CDH10: variants seen among roughly 807,000 people sequenced by gnomAD.
CDH10 encodes the protein cadherin-10.
Under a neutral mutation model 73.1 loss-of-function variants are expected in CDH10, and 30 were observed. The observed-to-expected ratio is 0.41, with a 90% confidence interval of 0.31 to 0.56. CDH10 has a LOEUF of 0.56. CDH10 is among the 20% of genes least tolerant of loss of function. CDH10 has a pLI of 0.27. For missense variants in CDH10, 815 were observed against 973.7 expected (o/e 0.84, Z 2.17); for synonymous variants, 345 against 348.2 (o/e 0.99, Z 0.10).
chr5:24,601,926 C>A (rs1746579170), intron 1 of CDH10, among the ~76,000 whole-genome samples: 1 of 152,162 alleles, frequency 6.6e-6, no homozygotes, highest in African/African-American at 2.4e-5. Context: ...ACTACTCTTG[C>A]AATTCCAACT....
intron 5 of CDH10, among the ~76,000 whole-genome samples, chr5:24,516,623 T>C (rs1246353086): frequency 6.6e-6 from 1 of 151,958 alleles, no homozygotes; most frequent in African/African-American, 2.4e-5. Flanking sequence ...ATATTATTTA[T>C]TAGAATCTAA....
Position 24,511,358 on chromosome 5 carries a change from T to C in CDH10, c.971A>G (p.Asp324Gly). The C allele has an allele frequency of 6.2e-7, 1 of 1,612,336 alleles. No individual in the cohort carries two copies. Among genetic ancestry groups the C allele is most frequent in the Non-Finnish European group, 8.5e-7 (1 of 1,178,462 alleles). Residue 324 changes from aspartate (D) to glycine (G), a missense_variant, in exon 6 of 12, where the codon GAC becomes GGC. Physicochemically the swap from Asp to Gly is moderately conservative, Grantham distance 94. Transcript: ENST00000264463. ...CACAGTGATGATGCCTTCCTGTGTGTCCTTCTCAGTCACGATGTCAAACAT... is the reference window on the plus strand; with the variant it reads ...CACAGTGATGATGCCTTCCTGTGTGCCCTTCTCAGTCACGATGTCAAACAT... ...TDMFDIVTEK[D>G]TQEGIITVKK... is the part of the protein sequence containing the mutation.
chr5:24,586,999 C>G (rs962984353), intron 2 of CDH10, among the ~76,000 whole-genome samples: 2 of 151,576 alleles, frequency 1.3e-5, no homozygotes, highest in African/African-American at 4.9e-5. Context: ...CGCCCGCCAC[C>G]GTGCCCGGCT....
At chr5:24,541,862 T>C (rs921373121) in intron 2 of CDH10, among the ~76,000 whole-genome samples, 1 of 152,070 alleles carries the variant, frequency 6.6e-6, no homozygotes, top group Non-Finnish European at 1.5e-5. Flanking sequence ...GCAAGATACA[T>C]GACAACTAAT....
intron 1 of CDH10, among the ~76,000 whole-genome samples, chr5:24,605,127 T>A (rs1210587548): frequency 6.6e-6 from 1 of 152,092 alleles, no homozygotes. Flanking sequence ...TTCATCCGTA[T>A]GGAACAAAAA....
chr5:24,538,881 TAAG>T (rs1224942091), intron 2 of CDH10, among the ~76,000 whole-genome samples: 1 of 152,066 alleles, frequency 6.6e-6, no homozygotes, highest in African/African-American at 2.4e-5. Context: ...TTGAGAAACA[TAAG>T]AAGTGTAAGG....
intron 5 of CDH10, among the ~76,000 whole-genome samples, chr5:24,526,597 T>C (rs769024377): frequency 3.0e-4 from 45 of 151,856 alleles, no homozygotes; most frequent in Non-Finnish European, 5.9e-4. Flanking sequence ...TATCTTTTCA[T>C]TGATATTTTA....
Position 24,491,571 on chromosome 5 carries a change from C to A in CDH10, c.1876+5G>T, listed in dbSNP as rs2111635582. On this transcript the variant is annotated splice_donor_5th_base_variant and intron_variant, in intron 11 of 11. Transcript: ENST00000264463. ...AATGCTCCCATTGTTTTTAAGGTTT[C>A]TTACCCAGTAGAATGATGATGCAGA... The A allele has an allele frequency of 6.2e-7, 1 of 1,607,542 alleles. No individual in the cohort carries two copies. The highest frequency in any genetic ancestry group is 8.5e-7 in the Non-Finnish European group (1 of 1,175,880).
chr5:24,595,361 A>G (rs1054617072), intron 1 of CDH10, among the ~76,000 whole-genome samples: 9 of 151,904 alleles, frequency 5.9e-5, no homozygotes. Flanking sequence ...AAATGTTTCA[A>G]AGAAATAAGA....
chr5:24,607,485 TC>T (rs2112134588), intron 1 of CDH10, among the ~76,000 whole-genome samples: 1 of 152,338 alleles, frequency 6.6e-6, no homozygotes, highest in East Asian at 1.9e-4. Context: ...CCTACTTTAT[TC>T]ACACAGAAAG....
intron 1 of CDH10, among the ~76,000 whole-genome samples, chr5:24,635,896 T>A (rs998836170): frequency 6.6e-6 from 1 of 151,944 alleles, no homozygotes; most frequent in African/African-American, 2.4e-5. Context: ...GAAGAATTTA[T>A]TACATTGTCC....
intron 2 of CDH10, among the ~76,000 whole-genome samples, chr5:24,563,700 G>T (rs1467689195): frequency 6.7e-6 from 1 of 149,520 alleles, no homozygotes; most frequent in East Asian, 2.0e-4. Flanking sequence ...AACCTGGGAG[G>T]CGGAGCTTGC....
At chr5:24,579,175 T>C (rs1745702840) in intron 2 of CDH10, among the ~76,000 whole-genome samples, 1 of 151,848 alleles carries the variant, frequency 6.6e-6, no homozygotes, top group Non-Finnish European at 1.5e-5. Flanking sequence ...AATTCCTTCT[T>C]CTGCTAAAGA....
intron 1 of CDH10, among the ~76,000 whole-genome samples, chr5:24,615,246 G>A (rs1361351561): frequency 6.6e-6 from 1 of 152,094 alleles, no homozygotes; most frequent in Non-Finnish European, 1.5e-5. Flanking sequence ...CTTTTGCATG[G>A]AAATCTCTTC....
At chr5:24,591,584 C>T (rs556311185) in intron 2 of CDH10, among the ~76,000 whole-genome samples, 2 of 152,008 alleles carry the variant, frequency 1.3e-5, no homozygotes, top group South Asian at 4.2e-4. Context: ...GTGATTACAA[C>T]TTCTAGACTA....
chr5:24,528,203 C>A (rs1231841283), intron 5 of CDH10, among the ~76,000 whole-genome samples: 1 of 151,760 alleles, frequency 6.6e-6, no homozygotes, highest in Non-Finnish European at 1.5e-5. Flanking sequence ...AGTGCTTTTG[C>A]ATGTAAGTAG....
At chr5:24,524,389 G>T (rs1440499782) in intron 5 of CDH10, among the ~76,000 whole-genome samples, 1 of 152,022 alleles carries the variant, frequency 6.6e-6, no homozygotes, top group Non-Finnish European at 1.5e-5. Context: ...CAAGCAGTAG[G>T]CAGGGAACTA....
At chr5:24,537,938 A>C (rs1280314351) in intron 2 of CDH10, among the ~76,000 whole-genome samples, 1 of 152,098 alleles carries the variant, frequency 6.6e-6, no homozygotes, top group Non-Finnish European at 1.5e-5. Context: ...TGCTTGGTAA[A>C]TATTCATTTT....
At chr5:24,621,827 T>C (rs76104518) in intron 1 of CDH10, among the ~76,000 whole-genome samples, 2 of 151,880 alleles carry the variant, frequency 1.3e-5, no homozygotes, top group African/African-American at 4.8e-5. Context: ...TACGTGTGTA[T>C]ACACACACAC....
Sources: allele counts gnomAD v4.1 joint callset (sites outside exome capture counted in the v4.1 genomes callset), GRCh38; gene constraint gnomAD v4.1.1; transcripts MANE v1.5; gene names NCBI Gene and HGNC (gene_info 2026-07-23, HGNC 2026-07-21).